The following PATJ variants were observed in gnomAD, a reference collection of about 807,000 sequenced individuals.
PATJ encodes the protein inaD-like protein.
Under a neutral mutation model 224.9 loss-of-function variants are expected in PATJ, and 190 were observed. That is an observed-to-expected ratio of 0.84 (90% CI 0.75 to 0.95). PATJ has a LOEUF of 0.95. Among genes scored for constraint, PATJ ranks in the 40% least tolerant of loss-of-function variants. The pLI is 0.00. For synonymous variants in PATJ, 769 were observed against 820.3 expected, an observed-to-expected ratio of 0.94 and a Z score of 1.07; for missense variants, 2,121 against 2,270.3, an observed-to-expected ratio of 0.93 and a Z score of 1.34.
At chr1:62,097,609 T>A (rs1431652548) in intron 33 of PATJ, among the ~76,000 whole-genome samples, 2 of 152,194 alleles carry the variant, frequency 1.3e-5, no homozygotes, top group Admixed American at 1.3e-4. Context: ...ACAACCAGCC[T>A]GGGTTAACCT....
intron 14 of PATJ, among the ~76,000 whole-genome samples, chr1:61,813,961 A>T (rs1037367794): frequency 1.3e-5 from 2 of 152,090 alleles, no homozygotes; most frequent in African/African-American, 4.8e-5. Context: ...TTTCCCAGTT[A>T]TATGCCTCTA....
chr1:62,025,774 G>A (rs1359176445), intron 29 of PATJ, among the ~76,000 whole-genome samples: 2 of 152,216 alleles, frequency 1.3e-5, no homozygotes, highest in East Asian at 3.9e-4. Context: ...AGTGAGCTGA[G>A]GTAGTGCCAC....
At chr1:61,754,520 G>GTTTTTTTTTTTTTT (rs548557219) in intron 1 of PATJ, among the ~76,000 whole-genome samples, 3 of 94,448 alleles carry the variant, frequency 3.2e-5, no homozygotes, top group Non-Finnish European at 4.2e-5. Context: ...TTTTTTGCAT[G>GTTTTTTTTTTTTTT]TTTTTTTTTT....
At position 61,869,172 on chromosome 1, in the gene PATJ, T is replaced by C. The variant is rs192137960; in HGVS notation, c.2835+4539T>C. Among the ~76,000 whole-genome samples, 298 of 141,846 alleles carry C rather than the reference T, an allele frequency of 2.1e-3. 4 individuals carry two copies. Among genetic ancestry groups the C allele is most frequent in the Admixed American group, 4.7e-3 (67 of 14,240 alleles). The allele number at this position is 141,846 out of a possible 152,430, so 93.1% of individuals were successfully genotyped here. On this transcript the variant is annotated intron_variant, in intron 20 of 43. Coordinates refer to ENST00000642238, the MANE Select transcript of PATJ (RefSeq NM_001350145.3). ...CCCAGGCTGGAGTGCAGTGGCGCCA[T>C]CTCGGCTCACTGCAAGCTCCGCCTC...
At chr1:61,788,157 G>A (rs1648987702) in intron 8 of PATJ, among the ~76,000 whole-genome samples, 185 bp downstream of exon 8, 1 of 151,970 alleles carries the variant, frequency 6.6e-6, no homozygotes, top group Non-Finnish European at 1.5e-5. Flanking sequence ...TGTTTCTCAG[G>A]GTTAAGTCAT....
At chr1:61,768,857 G>A (rs564016105) in intron 4 of PATJ, among the ~76,000 whole-genome samples, 9 of 152,140 alleles carry the variant, frequency 5.9e-5, no homozygotes, top group African/African-American at 9.6e-5. Context: ...CCGAGATCAC[G>A]CCACTGCACT....
chr1:61,828,074 C>T lies in PATJ; in HGVS notation c.1980+491C>T, dbSNP rs551481153. Among the ~76,000 whole-genome samples, 6 of 152,088 alleles carry T rather than the reference C, an allele frequency of 3.9e-5. No individual in the cohort carries two copies. The East Asian group carries it at 7.8e-4, about 20-fold the overall frequency. ...CCAGCCTGACCATCATGGAGAAACC[C>T]TGTCTCAAAGTAGAAAAAATTAGCC... On this transcript the variant is annotated intron_variant, in intron 16 of 43. Transcript: ENST00000642238.
At chr1:61,779,094 T>TA (rs1256960333) in intron 7 of PATJ, among the ~76,000 whole-genome samples, 5 of 152,216 alleles carry the variant, frequency 3.3e-5, no homozygotes, top group African/African-American at 1.2e-4. Context: ...TTAAATATTT[T>TA]AAAAATTCCT....
At chr1:61,785,829 T>C (rs1489699346) in intron 7 of PATJ, among the ~76,000 whole-genome samples, 2 of 152,140 alleles carry the variant, frequency 1.3e-5, no homozygotes, top group African/African-American at 4.8e-5. Flanking sequence ...AGAATGTATA[T>C]AATATCTGTA....
At chr1:61,814,514 TG>T (rs1414911411) in intron 14 of PATJ, among the ~76,000 whole-genome samples, 9 of 119,298 alleles carry the variant, frequency 7.5e-5, no homozygotes, top group South Asian at 2.8e-4. Context: ...ACCTGCCTTT[TG>T]TTTAGTGTGT....
At chr1:61,828,262 ACT>A (rs1445146028) in intron 16 of PATJ, among the ~76,000 whole-genome samples, 4 of 151,726 alleles carry the variant, frequency 2.6e-5, no homozygotes, top group South Asian at 2.1e-4. Flanking sequence ...AAAAAAAGAA[ACT>A]CTATGATAAA....
At chr1:62,038,823 G>T in intron 30 of PATJ, 1 of 680,802 alleles carries the variant, frequency 1.5e-6, no homozygotes, top group African/African-American at 1.8e-5. Flanking sequence ...GTTCTGGGCC[G>T]GGGTGGACGG....
chr1:62,120,013 T>A (rs993331166), intron 37 of PATJ, among the ~76,000 whole-genome samples: 1 of 152,126 alleles, frequency 6.6e-6, no homozygotes, highest in South Asian at 2.1e-4. Flanking sequence ...GCAAAAGTTA[T>A]AATATACTGT....
chr1:62,025,847 G>C (rs776603780), intron 29 of PATJ, among the ~76,000 whole-genome samples: 6 of 152,060 alleles, frequency 3.9e-5, no homozygotes, highest in Non-Finnish European at 7.4e-5. Flanking sequence ...ATAAATAAAA[G>C]GCTCTCTTTG....
At chr1:61,998,000 T>TATA (rs1645496356) in intron 28 of PATJ, among the ~76,000 whole-genome samples, 1 of 80,464 alleles carries the variant, frequency 1.2e-5, no homozygotes, top group Non-Finnish European at 2.6e-5. Context: ...GTATATATAA[T>TATA]ATATTATATA....
rs189486680 is a variant in PATJ, at chr1:61,920,351, C to T, written c.3570+5687C>T. On this transcript the variant is annotated intron_variant, in intron 26 of 43. Coordinates refer to ENST00000642238, the MANE Select transcript of PATJ (RefSeq NM_001350145.3). ...GGGCGGGTCTTTCCTGTGCTACTCT[C>T]GTGATAGTGTGATCTGGTGGTTTTA... is the stretch of plus-strand genomic sequence containing the variant. Among the ~76,000 whole-genome samples, 9 of 152,194 alleles carry T rather than the reference C, an allele frequency of 5.9e-5. No homozygotes were observed. The East Asian group carries it at 7.7e-4, about 13-fold the overall frequency.
intron 22 of PATJ, among the ~76,000 whole-genome samples, chr1:61,897,061 T>TA (rs34842441): frequency 3.3e-5 from 5 of 151,738 alleles, no homozygotes; most frequent in Middle Eastern, 3.4e-3. Flanking sequence ...TACTAGTAAA[T>TA]AAAAAACGAT....
Position 61,809,387 on chromosome 1 carries a change from C to CT in PATJ, c.1683+874dup, listed in dbSNP as rs747444674. 4.4e-3 allele frequency among the ~76,000 whole-genome samples: 613 copies of CT among 137,896 alleles called. 1 individual carries two copies. Among genetic ancestry groups the CT allele is most frequent in the African/African-American group, 0.011 (411 of 37,672 alleles). The allele number at this position is 137,896 out of a possible 152,430, so 90.5% of individuals were successfully genotyped here. ...ACATGCAGTTTTAAGAATGTATTTT[C>CT]TTTTTTTTTTTTTTTTTGAGACAGA... On this transcript the variant is annotated intron_variant, in intron 14 of 43. Transcript: ENST00000642238.
chr1:62,114,283 T>G (rs770188425), intron 35 of PATJ, 37 bp downstream of exon 35: 10 of 1,578,730 alleles, frequency 6.3e-6, no homozygotes, highest in Non-Finnish European at 8.7e-6. Flanking sequence ...TCTGCCTTTT[T>G]CATCCAGAGC....
Sources: gnomAD v4.1 joint callset for allele counts (sites outside exome capture counted in the v4.1 genomes callset) on GRCh38, gnomAD v4.1.1 for gene constraint, MANE v1.5 for transcripts, NCBI Gene and HGNC (gene_info 2026-07-23, HGNC 2026-07-21) for gene names.